TTLL7: variants seen among roughly 807,000 people sequenced by gnomAD.
TTLL7 encodes tubulin tyrosine ligase like 7, also known as tubulin polyglutamylase TTLL7.
Under a neutral mutation model 120.2 loss-of-function variants are expected in TTLL7, and 53 were observed. The observed-to-expected ratio is 0.44, with a 90% CI of 0.35 to 0.55. The LOEUF (loss-of-function observed/expected upper bound fraction) is 0.55, where lower values mean the gene tolerates loss of function less well. Ranked by LOEUF, TTLL7 falls within the 20% of genes least tolerant of loss-of-function variation. The pLI is 0.00. For missense variants in TTLL7, 803 were observed against 1,054.7 expected (o/e 0.76, Z 3.31); for synonymous variants, 353 against 351.7 (o/e 1.00, Z -0.04).
intron 6 of TTLL7, among the ~76,000 whole-genome samples, chr1:83,944,090 C>T (rs773260566): frequency 6.6e-6 from 1 of 151,780 alleles, no homozygotes; most frequent in Non-Finnish European, 1.5e-5. Context: ...GATAAGCCAA[C>T]TGACATTATC....
chr1:83,884,842 G>T (rs1425876925), intron 19 of TTLL7, among the ~76,000 whole-genome samples: 1 of 151,638 alleles, frequency 6.6e-6, no homozygotes, highest in Non-Finnish European at 1.5e-5. Flanking sequence ...CCTGCACATT[G>T]TGCACATGTA....
intron 18 of TTLL7, among the ~76,000 whole-genome samples, chr1:83,900,870 C>T (rs1180533479): frequency 6.6e-6 from 1 of 151,978 alleles, no homozygotes; most frequent in East Asian, 1.9e-4. Context: ...CATACTATTT[C>T]CATCACTGGA....
intron 18 of TTLL7, among the ~76,000 whole-genome samples, chr1:83,902,411 AC>A (rs536743955): frequency 8.2e-4 from 125 of 151,920 alleles, no homozygotes; most frequent in African/African-American, 2.7e-3. Flanking sequence ...TTTACTCCCC[AC>A]CACCCCTCTA....
At chr1:83,892,632 G>A (rs868170669) in intron 18 of TTLL7, among the ~76,000 whole-genome samples, 12 of 131,778 alleles carry the variant, frequency 9.1e-5, no homozygotes, top group South Asian at 2.6e-4. Context: ...ATGAACATAT[G>A]AATGAACATA....
chr1:83,944,029 G>A (rs537330127), intron 6 of TTLL7, among the ~76,000 whole-genome samples: 2 of 152,068 alleles, frequency 1.3e-5, no homozygotes, highest in African/African-American at 4.8e-5. Context: ...ATTCACTAAA[G>A]GATATAAACA....
intron 1 of TTLL7, among the ~76,000 whole-genome samples, chr1:83,953,267 C>T (rs1418618221): frequency 1.3e-5 from 2 of 152,142 alleles, no homozygotes; most frequent in Non-Finnish European, 2.9e-5. Flanking sequence ...TCAGTCTGTA[C>T]TATCAACTTT....
chr1:83,930,729 T>C lies in TTLL7; in HGVS notation c.1048-1499A>G, dbSNP rs186542127. Among the ~76,000 whole-genome samples the C allele has an allele frequency of 2.5e-3, 387 of 152,294 alleles. 1 individual carries two copies. The highest frequency in any genetic ancestry group is 8.9e-3 in the African/African-American group (372 of 41,570). ...GAGTCAGTGGTCCATTGGCATGTTA[T>C]CTGTCTTTGTAGAATTCCTCAGAGT... On this transcript the variant is annotated intron_variant, in intron 9 of 20. Transcript: ENST00000260505.
At chr1:83,915,994 G>C (rs1658122449) in intron 14 of TTLL7, among the ~76,000 whole-genome samples, 1 of 152,128 alleles carries the variant, frequency 6.6e-6, no homozygotes, top group Non-Finnish European at 1.5e-5. Context: ...GGAAATAACA[G>C]GTGCTGGAGA....
At position 83,870,065 on chromosome 1, in the gene TTLL7, C is replaced by T; in HGVS notation, c.2561G>A (p.Ser854Asn). Residue 854 changes from serine to asparagine, a missense_variant, in exon 21 of 21, where the codon AGC becomes AAC. Ser to Asn is a conservative substitution (Grantham distance 46). This residue lies in a region of TTLL7 where 388 missense variants were observed against 450.4 expected (regional missense o/e 0.86). Coordinates refer to ENST00000260505, the MANE Select transcript of TTLL7 (RefSeq NM_024686.6). ...TGGTGTTCTCAAGAAGAATTGGGTG[C>T]TCCCTGGTAGTAAATACCTAAAAAT... ...WGNSRYLLPG[S>N]TQFFLRTPTY... is the part of the protein sequence containing the mutation. 6.4e-7 allele frequency: 1 copy of T among 1,566,982 alleles called. No individual in the cohort carries two copies. Among genetic ancestry groups the T allele is most frequent in the Non-Finnish European group, 8.6e-7 (1 of 1,164,056 alleles).
At chr1:83,883,487 T>C (rs1417975875) in intron 19 of TTLL7, among the ~76,000 whole-genome samples, 1 of 151,872 alleles carries the variant, frequency 6.6e-6, no homozygotes, top group Non-Finnish European at 1.5e-5. Context: ...ACTCCTGGCC[T>C]CAAGTGATCC....
intron 18 of TTLL7, among the ~76,000 whole-genome samples, chr1:83,898,416 A>G (rs1435293096): frequency 1.3e-5 from 2 of 151,978 alleles, no homozygotes; most frequent in East Asian, 3.9e-4. Context: ...GTAAACCTCA[A>G]AGAAGTTCTG....
At chr1:83,977,027 C>T (rs1237388729) in intron 1 of TTLL7, among the ~76,000 whole-genome samples, 2 of 151,316 alleles carry the variant, frequency 1.3e-5, no homozygotes, top group African/African-American at 4.9e-5. Context: ...ATTGAAATAC[C>T]GGGACTTTTG....
At chr1:83,920,053 A>T (rs1227840134) in intron 12 of TTLL7, among the ~76,000 whole-genome samples, 2 of 152,188 alleles carry the variant, frequency 1.3e-5, no homozygotes, top group Admixed American at 6.6e-5. Context: ...TAACTTTCTA[A>T]TGTGAGTATT....
intron 3 of TTLL7, 81 bp from the exon 4 acceptor site, chr1:83,950,067 C>T (rs1648900010): frequency 7.2e-6 from 9 of 1,246,502 alleles, no homozygotes; most frequent in Admixed American, 7.0e-5. Flanking sequence ...TCTATCTAAA[C>T]TTTAGTTCAT....
chr1:83,973,641 T>C (rs779949985), intron 1 of TTLL7, among the ~76,000 whole-genome samples: 2 of 152,086 alleles, frequency 1.3e-5, no homozygotes, highest in African/African-American at 4.8e-5. Context: ...AATGAATCTA[T>C]AGATCAAGTT....
At chr1:83,955,893 T>G (rs2100871527) in intron 1 of TTLL7, among the ~76,000 whole-genome samples, 1 of 152,096 alleles carries the variant, frequency 6.6e-6, no homozygotes, top group African/African-American at 2.4e-5. Context: ...CCCAGATACC[T>G]GGGTGGCTAA....
intron 18 of TTLL7, among the ~76,000 whole-genome samples, chr1:83,893,820 T>C (rs1465510480): frequency 6.6e-6 from 1 of 151,884 alleles, no homozygotes; most frequent in Non-Finnish European, 1.5e-5. Flanking sequence ...GTAATACAAA[T>C]CCTACTGTAG....
chr1:83,898,185 T>C (rs920525147), intron 18 of TTLL7, among the ~76,000 whole-genome samples: 3 of 152,044 alleles, frequency 2.0e-5, no homozygotes, highest in Non-Finnish European at 4.4e-5. Flanking sequence ...CAATATGTTA[T>C]AGGCCAACAG....
chr1:83,982,791 GA>G lies in TTLL7; in HGVS notation c.-177+16139del, dbSNP rs554871418. On this transcript the variant is annotated intron_variant, in intron 1 of 20. Coordinates refer to ENST00000260505, the MANE Select transcript of TTLL7 (RefSeq NM_024686.6). ...ACCAATGTTATTTTTCACAGAAGTA[GA>G]AAAAAACTATTTGAAAATTCATATA... Among the ~76,000 whole-genome samples, 192 of 151,362 alleles carry G rather than the reference GA, an allele frequency of 1.3e-3. 1 individual carries two copies. Among genetic ancestry groups the G allele is most frequent in the Non-Finnish European group, 2.1e-3 (141 of 67,440 alleles).
Sources: allele counts gnomAD v4.1 joint callset (sites outside exome capture counted in the v4.1 genomes callset), GRCh38; gene constraint gnomAD v4.1.1; regional missense constraint gnomAD v4.1.1; transcripts MANE v1.5; gene names NCBI Gene and HGNC (gene_info 2026-07-23, HGNC 2026-07-21).